Variants in ERC2 observed in about 807,000 individuals in gnomAD.
ERC2 encodes ERC protein 2.
In ERC2, 42 loss-of-function variants were observed where a neutral mutation model predicts 114.8. The ratio of observed to expected loss-of-function variants is 0.37; its 90% CI spans 0.29 to 0.47. The LOEUF (loss-of-function observed/expected upper bound fraction) is 0.47, where lower values mean the gene tolerates loss of function less well. Ranked by LOEUF, ERC2 falls within the 20% of genes least tolerant of loss-of-function variation. ERC2 has a pLI of 0.99. For synonymous variants in ERC2, 454 were observed against 425.5 expected, an observed-to-expected ratio of 1.07 and a Z score of -0.82; for missense variants, 939 against 1,150.7, an observed-to-expected ratio of 0.82 and a Z score of 2.66.
At chr3:55,597,730 C>T (rs188789261) in intron 17 of ERC2, among the ~76,000 whole-genome samples, 11 of 152,282 alleles carry the variant, frequency 7.2e-5, no homozygotes, top group African/African-American at 2.4e-4. Flanking sequence ...TGGAATGGAG[C>T]CTGGAACAGA....
In ERC2 at chr3:55,629,111, CTTGA is replaced by C. The variant is rs1367031045; in HGVS notation, c.*39+54679_*39+54682del. On this transcript the variant is annotated intron_variant, in intron 17 of 17. Coordinates refer to ENST00000288221, the MANE Select transcript of ERC2 (RefSeq NM_015576.3). ...TGCCTGGAGGGAGTCTGTCTTCAGACTTGAAGATGAGACCCACCCTCCATAAAGC... is the reference window on the plus strand; with the variant it reads ...TGCCTGGAGGGAGTCTGTCTTCAGACAGATGAGACCCACCCTCCATAAAGC... 3.3e-3 allele frequency among the ~76,000 whole-genome samples: 497 copies of C among 152,290 alleles called. 2 individuals are homozygous for C. Among genetic ancestry groups the C allele is most frequent in the African/African-American group, 0.012 (480 of 41,556 alleles).
chr3:55,954,067 C>T (rs1576343258), intron 12 of ERC2, among the ~76,000 whole-genome samples: 1 of 109,512 alleles, frequency 9.1e-6, no homozygotes, highest in Non-Finnish European at 1.7e-5. Context: ...AAGAGACTGA[C>T]TTGCTCCATT....
chr3:56,038,607 C>A (rs1053649755), intron 7 of ERC2, among the ~76,000 whole-genome samples: 4 of 152,184 alleles, frequency 2.6e-5, no homozygotes, highest in African/African-American at 7.2e-5. Flanking sequence ...GAATATAAAT[C>A]ATTCTATTAT....
rs562951975 is a variant in ERC2, at chr3:56,347,437, C to A, written c.658-51002G>T. 5.3e-5 allele frequency among the ~76,000 whole-genome samples: 8 copies of A among 152,000 alleles called. No homozygotes were observed. In the South Asian group the frequency reaches 1.0e-3, roughly 20 times the overall value. On this transcript the variant is annotated intron_variant, in intron 2 of 17. Coordinates refer to ENST00000288221, the MANE Select transcript of ERC2 (RefSeq NM_015576.3). ...GAGGCTGGAGGAGGAAGGCTTGGCC[C>A]GTTCCTCCCTGTCTGATTCCTATTG...
intron 3 of ERC2, among the ~76,000 whole-genome samples, chr3:56,274,597 A>G (rs2053871844): frequency 6.6e-6 from 1 of 152,198 alleles, no homozygotes; most frequent in Non-Finnish European, 1.5e-5. Context: ...GATTTGCCTA[A>G]AAACTGTCGT....
At chr3:56,437,147 A>C (rs1420752317) in intron 1 of ERC2, among the ~76,000 whole-genome samples, 1 of 152,230 alleles carries the variant, frequency 6.6e-6, no homozygotes, top group Non-Finnish European at 1.5e-5. Context: ...TAAGCAACAC[A>C]TGTGTTTACT....
intron 17 of ERC2, among the ~76,000 whole-genome samples, chr3:55,534,894 T>C (rs2053898385): frequency 6.6e-6 from 1 of 152,164 alleles, no homozygotes; most frequent in African/African-American, 2.4e-5. Flanking sequence ...CCCATGGTTT[T>C]GAGAGGAAAT....
intron 6 of ERC2, among the ~76,000 whole-genome samples, chr3:56,113,148 G>A (rs930692515): frequency 6.6e-6 from 1 of 152,062 alleles, no homozygotes; most frequent in Non-Finnish European, 1.5e-5. Flanking sequence ...TAATTTATAA[G>A]AGATATCAGA....
intron 3 of ERC2, among the ~76,000 whole-genome samples, chr3:56,212,810 C>A (rs2049159747): frequency 6.6e-6 from 1 of 151,900 alleles, no homozygotes; most frequent in Admixed American, 6.6e-5. Context: ...CACACACACA[C>A]ACATGCACAT....
chr3:55,668,407 T>C (rs574955721), intron 17 of ERC2, among the ~76,000 whole-genome samples: 1 of 152,298 alleles, frequency 6.6e-6, no homozygotes, highest in African/African-American at 2.4e-5. Context: ...AAGACCCACA[T>C]GGTGGGGCAG....
At chr3:55,520,269 C>T (rs1306207611) in intron 17 of ERC2, among the ~76,000 whole-genome samples, 4 of 150,914 alleles carry the variant, frequency 2.7e-5, no homozygotes, top group Admixed American at 2.6e-4. Flanking sequence ...AACCCTGTCT[C>T]TACTAAAAAT....
At chr3:55,853,096 G>A (rs1290375719) in intron 14 of ERC2, among the ~76,000 whole-genome samples, 2 of 152,168 alleles carry the variant, frequency 1.3e-5, no homozygotes, top group Non-Finnish European at 2.9e-5. Flanking sequence ...GGGTTGTGGA[G>A]CACAATCGCC....
chr3:56,256,776 G>C (rs2052545218), intron 3 of ERC2, among the ~76,000 whole-genome samples: 1 of 152,080 alleles, frequency 6.6e-6, no homozygotes, highest in Non-Finnish European at 1.5e-5. Context: ...AGATCTGATG[G>C]TTTTATAAGT....
At chr3:56,351,127 G>A (rs1377836191) in intron 2 of ERC2, among the ~76,000 whole-genome samples, 1 of 152,050 alleles carries the variant, frequency 6.6e-6, no homozygotes, top group Non-Finnish European at 1.5e-5. Context: ...TTTTGTTACA[G>A]CAGCCTAGGT....
chr3:55,578,351 AC>A (rs1392815336), intron 17 of ERC2, among the ~76,000 whole-genome samples: 1 of 152,020 alleles, frequency 6.6e-6, no homozygotes, highest in Non-Finnish European at 1.5e-5. Context: ...CCTAAAGCCC[AC>A]CTCGGGGCCT....
At chr3:56,384,365 G>A (rs1236986498) in intron 2 of ERC2, among the ~76,000 whole-genome samples, 1 of 151,964 alleles carries the variant, frequency 6.6e-6, no homozygotes, top group Non-Finnish European at 1.5e-5. Flanking sequence ...ACCAACACTT[G>A]CTATTTTGTT....
At chr3:55,714,445 C>T (rs1019450190) in intron 15 of ERC2, among the ~76,000 whole-genome samples, 9 of 151,774 alleles carry the variant, frequency 5.9e-5, no homozygotes, top group African/African-American at 2.2e-4. Context: ...TTTATCAAAT[C>T]ATTAAATAGC....
At chr3:55,512,704 T>G (rs1225750600) in intron 17 of ERC2, among the ~76,000 whole-genome samples, 2 of 152,204 alleles carry the variant, frequency 1.3e-5, no homozygotes, top group Admixed American at 1.3e-4. Context: ...ATTTATTCAG[T>G]TGTGAGAAAG....
intron 1 of ERC2, among the ~76,000 whole-genome samples, chr3:56,450,257 T>G (rs1240312342): frequency 6.6e-6 from 1 of 152,252 alleles, no homozygotes; most frequent in Admixed American, 6.5e-5. Flanking sequence ...GTTTTCCATG[T>G]GTAGATTTAG....
Sources: allele counts gnomAD v4.1 joint callset (sites outside exome capture counted in the v4.1 genomes callset), GRCh38; gene constraint gnomAD v4.1.1; transcripts MANE v1.5; gene names NCBI Gene and HGNC (gene_info 2026-07-23, HGNC 2026-07-21).